Variants in STAG1 observed in about 807,000 individuals in gnomAD.
The protein encoded by STAG1 is STAG1 cohesin complex component, also known as cohesin subunit SA-1.
A neutral mutation model predicts 170.9 loss-of-function variants in STAG1; 26 were observed. The observed-to-expected ratio is 0.15, with a 90% CI of 0.11 to 0.21. The LOEUF is 0.21. Among genes scored for constraint, STAG1 ranks in the 10% least tolerant of loss-of-function variants. The pLI is 1.00. For synonymous variants in STAG1, 514 were observed against 497.7 expected, an observed-to-expected ratio of 1.03 and a Z score of -0.44; for missense variants, 964 against 1,509.5, an observed-to-expected ratio of 0.64 and a Z score of 5.99.
intron 7 of STAG1, among the ~76,000 whole-genome samples, chr3:136,520,537 C>T (rs749612547): frequency 5.9e-5 from 9 of 151,538 alleles, no homozygotes; most frequent in East Asian, 1.9e-4. Flanking sequence ...AAAGCAGTGA[C>T]GGAAAAATAG....
In STAG1 at chr3:136,443,269, C is replaced by G; in HGVS notation, c.1546+18G>C. The stretch of plus-strand genomic sequence containing the variant: ...GGAAATACAAAATCATGTAAATTAA[C>G]TTGTCAAAATACTATACCTTCCTCT... On this transcript the variant is annotated intron_variant, in intron 15 of 33. Coordinates refer to ENST00000383202, the MANE Select transcript of STAG1 (RefSeq NM_005862.3). The G allele has an allele frequency of 6.5e-7, 1 of 1,543,746 alleles. No homozygotes were observed.
At chr3:136,369,045 T>C in intron 24 of STAG1, 63 bp downstream of exon 24, 4 of 1,355,496 alleles carry the variant, frequency 3.0e-6, no homozygotes, top group South Asian at 1.9e-5. Context: ...TTTGTTTCTT[T>C]TCTCCTATCT....
intron 21 of STAG1, among the ~76,000 whole-genome samples, chr3:136,401,405 T>C (rs889569914): frequency 1.3e-5 from 2 of 152,228 alleles, no homozygotes; most frequent in African/African-American, 4.8e-5. Context: ...GCTCTAAGAA[T>C]AGGACTTCTG....
intron 1 of STAG1, among the ~76,000 whole-genome samples, chr3:136,674,203 G>GGAAGGAGGGAAGC (rs1942067512): frequency 6.9e-6 from 1 of 145,062 alleles, no homozygotes; most frequent in Admixed American, 6.9e-5. Context: ...AGGAGGGAAG[G>GGAAGGAGGGAAGC]AGGGAGGGAT....
chr3:136,444,078 CT>C (rs1260005952), intron 14 of STAG1, among the ~76,000 whole-genome samples: 257 of 145,386 alleles, frequency 1.8e-3, no homozygotes, highest in Admixed American at 2.1e-3. Context: ...GAATATTATC[CT>C]TTTTTTTTTT....
chr3:136,699,551 ATT>A (rs746300449), intron 1 of STAG1, among the ~76,000 whole-genome samples: 211 of 141,552 alleles, frequency 1.5e-3, no homozygotes, highest in African/African-American at 3.2e-3. Context: ...CGTCTAATTT[ATT>A]TTTTTTTTTT....
rs1248797469 is a variant in STAG1, at chr3:136,506,645, CA to C, written c.677-3867del. Reference sequence around the variant, plus strand: ...TGTGAGACACAGCAAGACTCCACCTCAAAAAAAAAAAAAAAAAGAAAAGAAA... The same window carrying C: ...TGTGAGACACAGCAAGACTCCACCTCAAAAAAAAAAAAAAAAGAAAAGAAA... On this transcript the variant is annotated intron_variant, in intron 7 of 33. Transcript: ENST00000383202. Among the ~76,000 whole-genome samples, 341 of 46,536 alleles carry C rather than the reference CA, an allele frequency of 7.3e-3. 1 individual carries two copies. Among genetic ancestry groups the C allele is most frequent in the African/African-American group, 0.016 (202 of 12,864 alleles). The allele number at this position is 46,536 out of a possible 152,430, so 30.5% of individuals were successfully genotyped here.
rs182202407 is a variant in STAG1, at chr3:136,520,983, C to T, written c.676+230G>A. ...TATAAATAAGGATGTACATTAGTAA[C>T]TAAACATTCAGACAGACATTTGATG... On this transcript the variant is annotated intron_variant, in intron 7 of 33. Coordinates refer to ENST00000383202, the MANE Select transcript of STAG1 (RefSeq NM_005862.3). Among the ~76,000 whole-genome samples the T allele has an allele frequency of 6.8e-4, 103 of 152,176 alleles. 1 individual carries two copies. The highest frequency in any genetic ancestry group is 4.6e-3 in the South Asian group (22 of 4,816).
intron 1 of STAG1, among the ~76,000 whole-genome samples, chr3:136,703,944 G>A (rs937574943): frequency 4.0e-5 from 6 of 151,794 alleles, no homozygotes; most frequent in Non-Finnish European, 5.9e-5. Flanking sequence ...CCTGGGAGGC[G>A]GAGGTTGCAG....
At chr3:136,669,918 A>G (rs980236286) in intron 1 of STAG1, among the ~76,000 whole-genome samples, 2 of 152,262 alleles carry the variant, frequency 1.3e-5, no homozygotes, top group African/African-American at 4.8e-5. Flanking sequence ...CATAATAGTT[A>G]AAGAATATTC....
At chr3:136,380,786 G>A (rs1338495564) in intron 22 of STAG1, among the ~76,000 whole-genome samples, 2 of 151,872 alleles carry the variant, frequency 1.3e-5, no homozygotes, top group African/African-American at 4.8e-5. Context: ...TTGGGAGGCT[G>A]AGGTTGGCGG....
In STAG1 at chr3:136,732,233, CAACT is replaced by C. The variant is rs1360922784; in HGVS notation, c.-84+19958_-84+19961del. 6.6e-5 allele frequency among the ~76,000 whole-genome samples: 7 copies of C among 105,696 alleles called. No homozygotes were observed. The East Asian group carries it at 8.0e-4, about 12-fold the overall frequency. 69.3% of individuals were successfully genotyped at this position (105,696 alleles called of 152,430 possible). ...TCTATAAAATCAAATCTTTTATCCA[CAACT>C]AAAAAAAAAAAAAAAAAAAAAACAC... On this transcript the variant is annotated intron_variant, in intron 1 of 33. Transcript: ENST00000383202.
At chr3:136,674,963 G>A (rs1183100792) in intron 1 of STAG1, among the ~76,000 whole-genome samples, 6 of 151,942 alleles carry the variant, frequency 3.9e-5, no homozygotes, top group African/African-American at 9.7e-5. Flanking sequence ...GGGGGGAGCC[G>A]GAAACTAAAC....
intron 1 of STAG1, among the ~76,000 whole-genome samples, chr3:136,682,512 A>G (rs1418738410): frequency 6.6e-6 from 1 of 151,590 alleles, no homozygotes; most frequent in Non-Finnish European, 1.5e-5. Context: ...GTCACACGAA[A>G]AAAACACTTT....
intron 28 of STAG1, among the ~76,000 whole-genome samples, chr3:136,357,088 C>T (rs1192856105): frequency 1.3e-5 from 2 of 152,112 alleles, no homozygotes; most frequent in Non-Finnish European, 2.9e-5. Flanking sequence ...GCTGGGACTA[C>T]AGGCACCCGC....
chr3:136,366,125 G>C (rs1937065521), intron 25 of STAG1, among the ~76,000 whole-genome samples: 1 of 151,996 alleles, frequency 6.6e-6, no homozygotes, highest in African/African-American at 2.4e-5. Flanking sequence ...GCTAAGCTTT[G>C]AAGTTAGACA....
intron 1 of STAG1, among the ~76,000 whole-genome samples, chr3:136,709,707 C>A (rs868140306): frequency 4.6e-5 from 7 of 151,700 alleles, no homozygotes; most frequent in Non-Finnish European, 7.4e-5. Flanking sequence ...CTCATTCCAG[C>A]CTGGGCAACA....
intron 22 of STAG1, among the ~76,000 whole-genome samples, chr3:136,397,971 AGTTTTGC>A (rs781235500): frequency 2.0e-5 from 3 of 151,286 alleles, no homozygotes; most frequent in Non-Finnish European, 4.4e-5. Flanking sequence ...TTTGAGATGG[AGTTTTGC>A]TCTTGTTGCC....
chr3:136,580,829 G>A (rs998728593), intron 4 of STAG1, among the ~76,000 whole-genome samples: 3 of 151,636 alleles, frequency 2.0e-5, no homozygotes, highest in Admixed American at 6.6e-5. Context: ...CACCGCACCC[G>A]GCCTCTTGTA....
Sources: gnomAD v4.1 joint callset for allele counts (sites outside exome capture counted in the v4.1 genomes callset) on GRCh38, gnomAD v4.1.1 for gene constraint, MANE v1.5 for transcripts, NCBI Gene and HGNC (gene_info 2026-07-23, HGNC 2026-07-21) for gene names.